Variants in PKN3 observed in about 807,000 individuals in gnomAD.
The protein encoded by PKN3 is serine/threonine-protein kinase N3.
In PKN3, 91 loss-of-function variants were observed where a neutral mutation model predicts 113.1. That is an observed-to-expected ratio of 0.80 (90% CI 0.68 to 0.96). The LOEUF (loss-of-function observed/expected upper bound fraction) is 0.96, where lower values mean the gene tolerates loss of function less well. Among genes scored for constraint, PKN3 ranks in the 40% least tolerant of loss-of-function variants. The pLI is 0.00. For synonymous variants in PKN3, 467 were observed against 499.0 expected (o/e 0.94, Z 0.85); for missense variants, 1,052 against 1,202.2 (o/e 0.88, Z 1.85).
At chr9:128,716,365 A>G (rs1862338267) in intron 15 of PKN3, among the ~76,000 whole-genome samples, 1 of 151,600 alleles carries the variant, frequency 6.6e-6, no homozygotes, top group Non-Finnish European at 1.5e-5. Context: ...TGGAAGGCCG[A>G]AGCAGGTGGA....
In PKN3 at chr9:128,715,530, G is replaced by A. The variant is rs1340839114; in HGVS notation, c.1808+70G>A. The A allele has an allele frequency of 8.5e-5, 103 of 1,218,934 alleles. 1 individual carries two copies. The South Asian group carries it at 1.2e-3, about 14-fold the overall frequency. The allele number at this position is 1,218,934 out of a possible 1,614,324, so 75.5% of individuals were successfully genotyped here. ...TGTGGCATCCAGAGGGCAGTTGAAG[G>A]TTCCTGGGGCTTTGGAGAGGTGACC... On this transcript the variant is annotated intron_variant, in intron 15 of 21. Transcript: ENST00000291906. This position sits in a 1 kb window ranked among gnomAD's most constrained non-coding sequence, Gnocchi z 4.1.
chr9:128,718,411 C>T (rs573020262), intron 17 of PKN3, 24 bp downstream of exon 17: 38 of 457,092 alleles, frequency 8.3e-5, no homozygotes, highest in Middle Eastern at 5.2e-4. Context: ...CAGGGATGCA[C>T]GGGGGTAGGG....
In PKN3 at chr9:128,707,319, G is replaced by T; in HGVS notation, c.749G>T (p.Arg250Leu). ...LEQLPPAHPLRSRVTRELRAA... is the reference protein window; with the variant it reads ...LEQLPPAHPLLSRVTRELRAA... ...CAACTGCCTCCTGCCCACCCTTTGC[G>T]CAGCAGAGTGACCCGAGAGTTGCGG... The change falls in exon 6 of 22, where the codon CGC (arginine) becomes CTC (leucine). Residue 250 changes from arginine (R) to leucine (L), a missense_variant. Physicochemically the swap from Arg to Leu is moderately radical, Grantham distance 102. Coordinates refer to ENST00000291906, the MANE Select transcript of PKN3 (RefSeq NM_013355.5). 2.5e-6 allele frequency: 4 copies of T among 1,613,934 alleles called. No homozygotes were observed. The highest frequency in any genetic ancestry group is 3.4e-6 in the Non-Finnish European group (4 of 1,179,968).
chr9:128,717,117 C>CTTTTTTTTTTTTTTTTTTTTTTTTGTTT (rs1862365003), intron 16 of PKN3, among the ~76,000 whole-genome samples, 194 bp downstream of exon 16: 1 of 24,364 alleles, frequency 4.1e-5, no homozygotes. Flanking sequence ...CATTAGGTTT[C>CTTTTTTTTTTTTTTTTTTTTTTTTGTTT]TTTTTTTTTT....
At chr9:128,711,080 A>T (rs1450170422) in intron 6 of PKN3, among the ~76,000 whole-genome samples, 1 of 151,302 alleles carries the variant, frequency 6.6e-6, no homozygotes, top group Non-Finnish European at 1.5e-5. Flanking sequence ...ATCTTGGCTC[A>T]CTGCAACCTC....
intron 11 of PKN3, 97 bp from the exon 12 acceptor site, chr9:128,714,465 G>A (rs1240262808): frequency 1.7e-6 from 2 of 1,163,154 alleles, no homozygotes; most frequent in East Asian, 2.3e-5. Flanking sequence ...TGCTCAGCCC[G>A]CTAACCCTCT....
rs993774191 is a variant in PKN3, at chr9:128,720,137, G to C, written c.2377-66G>C. The stretch of plus-strand genomic sequence containing the variant: ...AGAGCGCTCTGGGCCAGCGTGCTTG[G>C]GGCCTGTGGATGATGGCAGTGCCTG... On this transcript the variant is annotated intron_variant, in intron 20 of 21. Transcript: ENST00000291906. This position sits in a 1 kb window ranked among gnomAD's most constrained non-coding sequence, Gnocchi z 5.5. 1.3e-6 allele frequency: 2 copies of C among 1,561,652 alleles called. No individual in the cohort carries two copies. Among genetic ancestry groups the C allele is most frequent in the Non-Finnish European group, 1.8e-6 (2 of 1,136,194 alleles).
In PKN3 at chr9:128,702,772, G is replaced by A. The variant is rs1564367806; in HGVS notation, c.-144G>A. ...GAGGCGGCGCTGGTCCCGCGGGCCA[G>A]CGGGTCTCGGGAGGGGGCGCCCGAT... On this transcript the variant is annotated 5_prime_UTR_variant, in exon 1 of 22. Coordinates refer to ENST00000291906, the MANE Select transcript of PKN3 (RefSeq NM_013355.5). 3.2e-6 allele frequency: 2 copies of A among 618,040 alleles called. No individual in the cohort carries two copies. Among genetic ancestry groups the A allele is most frequent in the Non-Finnish European group, 2.7e-6 (1 of 363,806 alleles). The allele number at this position is 618,040 out of a possible 1,614,324, so 38.3% of individuals were successfully genotyped here.
At position 128,720,407 on chromosome 9, in the gene PKN3, A is replaced by G. The variant is rs976322050; in HGVS notation, c.2471A>G (p.Gln824Arg). The change falls in exon 22 of 22, where the codon CAA becomes CGA. Residue 824 changes from glutamine to arginine, a missense_variant. By Grantham distance (43) the Gln-to-Arg change is conservative (BLOSUM62 1). This residue lies in a region of PKN3 where 333 missense variants were observed against 442.8 expected (regional missense o/e 0.75). Transcript: ENST00000291906. This position sits in a 1 kb window ranked among gnomAD's most constrained non-coding sequence, Gnocchi z 5.5. ...VQPFFRTTNW[Q>R]ALLARTIQPP... is the part of the protein sequence containing the mutation. ...CTTTGCCCTCAGACCACCAACTGGCAAGCCCTGCTCGCCCGCACCATCCAG... is the reference window on the plus strand; with the variant it reads ...CTTTGCCCTCAGACCACCAACTGGCGAGCCCTGCTCGCCCGCACCATCCAG... 3.1e-6 allele frequency: 5 copies of G among 1,612,944 alleles called. No homozygotes were observed. In the African/African-American group the frequency reaches 4.0e-5, roughly 13 times the overall value.
rs1862347664 is a variant in PKN3, at chr9:128,716,674, G to T, written c.1809-73G>T. 11 of 1,231,900 alleles carry T rather than the reference G, an allele frequency of 8.9e-6. 2 individuals carry two copies. Among genetic ancestry groups the T allele is most frequent in the African/African-American group, 4.5e-5 (3 of 67,208 alleles). The allele number at this position is 1,231,900 out of a possible 1,614,324, so 76.3% of individuals were successfully genotyped here. ...TGGCTGAGGGCCCAGTGAGCCAGGG[G>T]TGTTGTGCAGGGCACAGGGCACAGC... On this transcript the variant is annotated intron_variant, in intron 15 of 21. Coordinates refer to ENST00000291906, the MANE Select transcript of PKN3 (RefSeq NM_013355.5).
At position 128,714,969 on chromosome 9, in the gene PKN3, G is replaced by A; in HGVS notation, c.1652+104G>A. The A allele has an allele frequency of 1.7e-6, 2 of 1,208,442 alleles. 1 individual carries two copies. The highest frequency in any genetic ancestry group is 2.4e-5 in the South Asian group (2 of 82,082). 74.9% of individuals were successfully genotyped at this position (1,208,442 alleles called of 1,614,324 possible). ...TCCCTGGCTCCCTGGCGGGTGCGCT[G>A]ACTGGCTCTCGGGGTCTGATTTACT... On this transcript the variant is annotated intron_variant, in intron 13 of 21. Transcript: ENST00000291906.
rs1862514884 is a variant in PKN3, at chr9:128,720,696, C to T, written c.*90C>T. 1.6e-5 allele frequency: 18 copies of T among 1,129,612 alleles called. No homozygotes were observed. The highest frequency in any genetic ancestry group is 2.2e-5 in the Non-Finnish European group (17 of 782,396). The allele number at this position is 1,129,612 out of a possible 1,614,324, so 70.0% of individuals were successfully genotyped here. On this transcript the variant is annotated 3_prime_UTR_variant, in exon 22 of 22. Coordinates refer to ENST00000291906, the MANE Select transcript of PKN3 (RefSeq NM_013355.5). This position sits in a 1 kb window ranked among gnomAD's most constrained non-coding sequence, Gnocchi z 5.5. ...GTGCGCCCTGCCTGGAGGTCCAGGC[C>T]TTGCTGGGTACTTCTGAGCCCTTGG...
chr9:128,703,064 T>TGCCCTG (rs1019419142), intron 1 of PKN3, 125 bp downstream of exon 1: 1 of 671,106 alleles, frequency 1.5e-6, no homozygotes, highest in Non-Finnish European at 2.3e-6. Context: ...TCCCTGCCCC[T>TGCCCTG]GCCCTGGCCC....
chr9:128,710,960 C>T (rs1221815509), intron 6 of PKN3, among the ~76,000 whole-genome samples: 3 of 152,004 alleles, frequency 2.0e-5, no homozygotes, highest in Non-Finnish European at 4.4e-5. Flanking sequence ...CTAAACACCC[C>T]AGATACTTGA....
rs762010790 is a variant in PKN3 at position 128,720,485 on chromosome 9, G to A, written c.2549G>A (p.Gly850Asp). The change falls in exon 22 of 22, where the codon GGC becomes GAC. Residue 850 changes from glycine to aspartate, a missense_variant. Around this residue, in one of 2 missense-constraint regions of PKN3, gnomAD observed 333 missense variants for 442.8 expected, o/e 0.75. Coordinates refer to ENST00000291906, the MANE Select transcript of PKN3 (RefSeq NM_013355.5). This position sits in a 1 kb window ranked among gnomAD's most constrained non-coding sequence, Gnocchi z 5.5. ...CGPADLRYFE[G>D]EFTGLPPALT... ...CCTGCGGACCTGCGCTACTTTGAGG[G>A]CGAGTTCACAGGGCTGCCGCCTGCC... is the stretch of plus-strand genomic sequence containing the variant. 6.2e-7 allele frequency: 1 copy of A among 1,613,106 alleles called. No homozygotes were observed. Among genetic ancestry groups the A allele is most frequent in the East Asian group, 2.2e-5 (1 of 44,868 alleles).
At chr9:128,719,277 C>T (rs113240377) in intron 18 of PKN3, among the ~76,000 whole-genome samples, 6 of 151,992 alleles carry the variant, frequency 3.9e-5, no homozygotes, top group Admixed American at 1.3e-4. Context: ...GCAACCTCTG[C>T]CTCCAAGGTT....
chr9:128,705,564 C>T (rs1352606155), intron 2 of PKN3, 21 bp downstream of exon 2: 1 of 1,552,072 alleles, frequency 6.4e-7, no homozygotes, highest in South Asian at 1.2e-5. Flanking sequence ...AGCTGAGACC[C>T]CCTCAGGACA....
intron 11 of PKN3, 34 bp downstream of exon 11, chr9:128,714,399 C>T (rs765223186): frequency 1.0e-5 from 16 of 1,568,270 alleles, no homozygotes; most frequent in Non-Finnish European, 1.4e-5. Flanking sequence ...CTGCATGCTC[C>T]TCTGTGGCGG....
At chr9:128,717,358 C>T (rs1385470200) in intron 16 of PKN3, among the ~76,000 whole-genome samples, 2 of 150,678 alleles carry the variant, frequency 1.3e-5, no homozygotes, top group Non-Finnish European at 3.0e-5. Context: ...TAACTCCTGA[C>T]CTCAAGTGAT....
Sources: gnomAD v4.1 joint callset for allele counts (sites outside exome capture counted in the v4.1 genomes callset) on GRCh38, gnomAD v4.1.1 for gene constraint, gnomAD v4.1.1 regional missense constraint, Gnocchi (gnomAD v3.1) non-coding constraint, MANE v1.5 for transcripts, NCBI Gene and HGNC (gene_info 2026-07-23, HGNC 2026-07-21) for gene names.